EFCAB11: variants seen among roughly 807,000 people sequenced by gnomAD.
The protein encoded by EFCAB11 is EF-hand calcium binding domain 11, also known as EF-hand calcium-binding domain-containing protein 11.
Under a neutral mutation model 23.0 loss-of-function variants are expected in EFCAB11, and 14 were observed. The ratio of observed to expected loss-of-function variants is 0.61; its 90% confidence interval spans 0.40 to 0.95. The LOEUF (loss-of-function observed/expected upper bound fraction) is 0.95, where lower values mean the gene tolerates loss of function less well. EFCAB11 is among the 40% of genes least tolerant of loss of function. The pLI is 0.00. For missense variants in EFCAB11, 198 were observed against 195.8 expected (o/e 1.01, Z -0.07); for synonymous variants, 65 against 66.6 (o/e 0.98, Z 0.11).
intron 5 of EFCAB11, among the ~76,000 whole-genome samples, chr14:89,909,300 G>A (rs1282229331): frequency 6.6e-6 from 1 of 152,176 alleles, no homozygotes; most frequent in African/African-American, 2.4e-5. Flanking sequence ...CACATCGGCT[G>A]GGCATGATGA....
At chr14:89,874,345 T>C (rs1888369602) in intron 5 of EFCAB11, among the ~76,000 whole-genome samples, 1 of 152,192 alleles carries the variant, frequency 6.6e-6, no homozygotes, top group African/African-American at 2.4e-5. Flanking sequence ...GGGCCTGCGA[T>C]GGGAGGGGCT....
At chr14:89,938,310 T>G (rs1157236426) in intron 3 of EFCAB11, 1 of 152,122 alleles carries the variant, frequency 6.6e-6, no homozygotes, top group African/African-American at 2.4e-5. Context: ...GCTTAAAAAT[T>G]AGGGTTTAAA....
chr14:89,953,953 C>T lies in EFCAB11; in HGVS notation c.124G>A (p.Asp42Asn), dbSNP rs1228164500. ...EDHKGYLSRE[D>N]FKTAVVMLFG... is the part of the protein sequence containing the mutation. Reference sequence around the variant, plus strand: ...AGCATTACAACAGCAGTTTTAAAGTCCTCTCTGCTGAGATATCCTTTGTGA... The same window carrying T: ...AGCATTACAACAGCAGTTTTAAAGTTCTCTCTGCTGAGATATCCTTTGTGA... Residue 42 changes from aspartate (D) to asparagine (N), a missense_variant, in exon 2 of 6, where the codon GAC becomes AAC. Transcript: ENST00000316738. 6.2e-7 allele frequency: 1 copy of T among 1,613,662 alleles called. No individual in the cohort carries two copies. Among genetic ancestry groups the T allele is most frequent in the East Asian group, 2.2e-5 (1 of 44,888 alleles).
chr14:89,954,517 C>G, intron 1 of EFCAB11, 69 bp downstream of exon 1: 1 of 1,588,026 alleles, frequency 6.3e-7, no homozygotes, highest in Non-Finnish European at 8.6e-7. Context: ...GAGACCCAGA[C>G]ACGGGAGAGG....
chr14:89,845,512 C>T (rs1226265183), intron 5 of EFCAB11, among the ~76,000 whole-genome samples: 1 of 152,190 alleles, frequency 6.6e-6, no homozygotes, highest in Admixed American at 6.5e-5. Context: ...GCACTTTGAA[C>T]AGCCAAGAGC....
At chr14:89,866,675 A>G (rs759465546) in intron 5 of EFCAB11, among the ~76,000 whole-genome samples, 3 of 152,206 alleles carry the variant, frequency 2.0e-5, no homozygotes, top group Non-Finnish European at 4.4e-5. Context: ...TGTCTCCCTC[A>G]GAGAAGCCAC....
In EFCAB11 at chr14:89,867,350, G is replaced by A. The variant is rs142425925; in HGVS notation, c.410+64191C>T. On this transcript the variant is annotated intron_variant, in intron 5 of 5. Coordinates refer to ENST00000316738, the MANE Select transcript of EFCAB11 (RefSeq NM_145231.4). Reference sequence around the variant, plus strand: ...CACGGATGACCTCAGCCAATCCCTGGTCCTCCCCAAACCTCACCTCAACCA... The same window carrying A: ...CACGGATGACCTCAGCCAATCCCTGATCCTCCCCAAACCTCACCTCAACCA... Among the ~76,000 whole-genome samples the A allele has an allele frequency of 2.5e-4, 38 of 152,304 alleles. No individual in the cohort carries two copies. In the Middle Eastern group the frequency reaches 0.01, roughly 41 times the overall value.
chr14:89,860,816 G>T (rs1362822947), intron 5 of EFCAB11, among the ~76,000 whole-genome samples: 1 of 152,162 alleles, frequency 6.6e-6, no homozygotes, highest in Non-Finnish European at 1.5e-5. Context: ...ATAATATACT[G>T]GCATTTTGTA....
At chr14:89,915,900 T>A (rs950576074) in intron 5 of EFCAB11, among the ~76,000 whole-genome samples, 1 of 152,150 alleles carries the variant, frequency 6.6e-6, no homozygotes, top group Non-Finnish European at 1.5e-5. Context: ...TGTTAAAAAA[T>A]TGAACTTTTC....
chr14:89,896,267 C>T (rs1048902996), intron 5 of EFCAB11, among the ~76,000 whole-genome samples: 8 of 151,980 alleles, frequency 5.3e-5, no homozygotes, highest in Non-Finnish European at 1.0e-4. Context: ...CCCTGTAGTC[C>T]CAGCTACTCA....
intron 5 of EFCAB11, chr14:89,833,015 T>C (rs375736017): frequency 7.2e-5 from 11 of 152,314 alleles, no homozygotes; most frequent in South Asian, 4.1e-4. Context: ...GCCATATCCA[T>C]TTTCTTACAC....
chr14:89,804,181 C>A (rs192742203), intron 5 of EFCAB11, among the ~76,000 whole-genome samples: 1 of 152,206 alleles, frequency 6.6e-6, no homozygotes, highest in Admixed American at 6.5e-5. Context: ...ACCCCCCAAA[C>A]GTGGAAGCAT....
intron 5 of EFCAB11, among the ~76,000 whole-genome samples, chr14:89,821,689 A>C (rs1886524543): frequency 6.6e-6 from 1 of 152,230 alleles, no homozygotes; most frequent in Admixed American, 6.5e-5. Flanking sequence ...TTCTGCCTAG[A>C]GGCACCGTTT....
chr14:89,878,608 T>A (rs1359833050), intron 5 of EFCAB11, among the ~76,000 whole-genome samples: 1 of 152,160 alleles, frequency 6.6e-6, no homozygotes, highest in Non-Finnish European at 1.5e-5. Context: ...ATTATATGAA[T>A]GTCTAAATAT....
intron 5 of EFCAB11, among the ~76,000 whole-genome samples, chr14:89,864,672 C>T (rs1453484974): frequency 6.6e-6 from 1 of 152,222 alleles, no homozygotes; most frequent in African/African-American, 2.4e-5. Flanking sequence ...CTCCTGGCCT[C>T]AAGTGATCTG....
intron 5 of EFCAB11, among the ~76,000 whole-genome samples, chr14:89,915,694 C>G (rs1275888452): frequency 6.6e-6 from 1 of 152,196 alleles, no homozygotes. Context: ...AAAACTCAAT[C>G]TACCCACCAA....
intron 5 of EFCAB11, chr14:89,848,484 G>A (rs886617409): frequency 1.3e-5 from 2 of 152,174 alleles, no homozygotes; most frequent in African/African-American, 4.8e-5. Flanking sequence ...GAAATGTCTT[G>A]AGAGCCTGCA....
At chr14:89,882,018 G>A (rs571311372) in intron 5 of EFCAB11, among the ~76,000 whole-genome samples, 37 of 152,102 alleles carry the variant, frequency 2.4e-4, no homozygotes, top group Non-Finnish European at 4.6e-4. Flanking sequence ...TCCAAAAACT[G>A]GTTTGCTCAA....
intron 5 of EFCAB11, among the ~76,000 whole-genome samples, chr14:89,858,206 G>A (rs891162304): frequency 3.3e-5 from 5 of 152,146 alleles, no homozygotes; most frequent in Non-Finnish European, 5.9e-5. Flanking sequence ...CTGATGACAG[G>A]GCCATGTGGT....
Sources: allele counts gnomAD v4.1 joint callset (sites outside exome capture counted in the v4.1 genomes callset), GRCh38; gene constraint gnomAD v4.1.1; transcripts MANE v1.5; gene names NCBI Gene and HGNC (gene_info 2026-07-23, HGNC 2026-07-21).